The following MTCL2 variants were observed in gnomAD, a reference collection of about 807,000 sequenced individuals.
The protein encoded by MTCL2 is microtubule cross-linking factor 2.
At chr20:36,780,275 A>G in the MTCL2 span, 3 of 151,992 alleles carry the variant, frequency 2.0e-5, no homozygotes, top group Non-Finnish European at 4.4e-5. Context: ...AAAAAAAAAA[A>G]GTAGAATAGA....
the MTCL2 span, among the ~76,000 whole-genome samples, chr20:36,824,507 G>C: frequency 6.6e-6 from 1 of 152,070 alleles, no homozygotes; most frequent in Admixed American, 6.6e-5. Flanking sequence ...AAGAGGGAAA[G>C]GGGGAGTGGG....
chr20:36,784,126 C>T, the MTCL2 span: 1 of 985,666 alleles, frequency 1.0e-6, no homozygotes, highest in East Asian at 1.1e-4. Context: ...AGTACGCAGC[C>T]TCCCTGGCTG....
the MTCL2 span, chr20:36,815,144 G>A: frequency 3.7e-6 from 6 of 1,600,086 alleles, no homozygotes; most frequent in Non-Finnish European, 5.1e-6. This position sits in a 1 kb window ranked among gnomAD's most constrained non-coding sequence, Gnocchi z 5.3. Flanking sequence ...CTGAGCCAAG[G>A]TCTTTTGCCA....
the MTCL2 span, among the ~76,000 whole-genome samples, chr20:36,802,293 TAAATAA>T: frequency 6.6e-6 from 1 of 151,916 alleles, no homozygotes; most frequent in East Asian, 1.9e-4. Context: ...AATAGATAAG[TAAATAA>T]AAATAAAAGT....
At chr20:36,833,603 C>G in the MTCL2 span, among the ~76,000 whole-genome samples, 1 of 152,172 alleles carries the variant, frequency 6.6e-6, no homozygotes, top group Non-Finnish European at 1.5e-5. Flanking sequence ...AATTCCAATA[C>G]TTTGGGAGGT....
chr20:36,806,972 G>A, the MTCL2 span, among the ~76,000 whole-genome samples: 1 of 152,202 alleles, frequency 6.6e-6, no homozygotes, highest in African/African-American at 2.4e-5. Flanking sequence ...GTGGCCTGCA[G>A]GTCATTCCCT....
At chr20:36,823,592 A>G in the MTCL2 span, among the ~76,000 whole-genome samples, 1 of 152,176 alleles carries the variant, frequency 6.6e-6, no homozygotes, top group Non-Finnish European at 1.5e-5. Flanking sequence ...AGATAGCTTG[A>G]GCCCAGGAGT....
chr20:36,817,391 G>A, the MTCL2 span: 1 of 1,568,662 alleles, frequency 6.4e-7, no homozygotes, highest in East Asian at 2.3e-5. Flanking sequence ...TTCCTACGGG[G>A]GCTGCTGGGA....
At chr20:36,802,397 G>A in the MTCL2 span, among the ~76,000 whole-genome samples, 1 of 152,184 alleles carries the variant, frequency 6.6e-6, no homozygotes, top group Non-Finnish European at 1.5e-5. Context: ...CTATAATGGG[G>A]AGTGAGGGTC....
the MTCL2 span, chr20:36,815,483 C>G: frequency 3.8e-6 from 6 of 1,594,324 alleles, no homozygotes; most frequent in African/African-American, 1.3e-5. The surrounding 1 kb of genome is among the most constrained non-coding windows in gnomAD (Gnocchi z 5.3). Context: ...TCAGCCCAGG[C>G]AGCACCTCGG....
chr20:36,793,694 A>T, the MTCL2 span: 1 of 1,548,622 alleles, frequency 6.5e-7, no homozygotes, highest in East Asian at 2.4e-5. The surrounding 1 kb of genome is among the most constrained non-coding windows in gnomAD (Gnocchi z 6.8). Flanking sequence ...GCCCTGGTGC[A>T]GGTTCCACAG....
the MTCL2 span, among the ~76,000 whole-genome samples, chr20:36,825,471 C>T: frequency 1.3e-5 from 2 of 152,210 alleles, no homozygotes; most frequent in Non-Finnish European, 2.9e-5. Context: ...CGTCAACACT[C>T]GTATTGGCTT....
At chr20:36,808,787 C>T in the MTCL2 span, 32 of 1,509,020 alleles carry the variant, frequency 2.1e-5, no homozygotes, top group African/African-American at 4.4e-4. Context: ...GCCCTGTCCT[C>T]TCCCCCACCC....
chr20:36,823,843 G>A, the MTCL2 span, among the ~76,000 whole-genome samples: 8 of 152,104 alleles, frequency 5.3e-5, no homozygotes, highest in Non-Finnish European at 1.2e-4. Flanking sequence ...TAAACTAAGC[G>A]CTAGAGCAGT....
chr20:36,839,739 G>C, the MTCL2 span, among the ~76,000 whole-genome samples: 3 of 152,316 alleles, frequency 2.0e-5, no homozygotes, highest in African/African-American at 7.2e-5. This position sits in a 1 kb window ranked among gnomAD's most constrained non-coding sequence, Gnocchi z 5.1. Context: ...ACGGAGGAAG[G>C]GGGTGCCTCT....
the MTCL2 span, among the ~76,000 whole-genome samples, chr20:36,788,569 C>T: frequency 3.3e-5 from 5 of 152,118 alleles, no homozygotes; most frequent in African/African-American, 7.2e-5. Flanking sequence ...ACCTGGGAGG[C>T]GGAGCTTGCA....
At chr20:36,810,754 T>TC in the MTCL2 span, among the ~76,000 whole-genome samples, 10 of 42,478 alleles carry the variant, frequency 2.4e-4, no homozygotes, top group Non-Finnish European at 5.3e-4. Flanking sequence ...CTCTCTCTCT[T>TC]TCAACGGAGT....
the MTCL2 span, among the ~76,000 whole-genome samples, chr20:36,824,984 G>A: frequency 6.7e-6 from 1 of 149,594 alleles, no homozygotes; most frequent in African/African-American, 2.5e-5. Flanking sequence ...TTGTTGCCTA[G>A]GCTGGAGTGC....
chr20:36,802,768 C>G, the MTCL2 span: 1 of 1,457,022 alleles, frequency 6.9e-7, no homozygotes, highest in Non-Finnish European at 9.2e-7. Flanking sequence ...CTAGATCCAG[C>G]TATACCTGAA....
Sources: gnomAD v4.1 joint callset for allele counts (sites outside exome capture counted in the v4.1 genomes callset) on GRCh38, gnomAD v4.1.1 for gene constraint, Gnocchi (gnomAD v3.1) non-coding constraint, MANE v1.5 for transcripts, NCBI Gene and HGNC (gene_info 2026-07-23, HGNC 2026-07-21) for gene names.